MYO1B: variants seen among roughly 807,000 people sequenced by gnomAD.
MYO1B encodes unconventional myosin-Ib.
MYO1B carries 72 observed loss-of-function variants against 159.7 expected under a neutral mutation model. The ratio of observed to expected loss-of-function variants is 0.45; its 90% CI spans 0.37 to 0.55. The LOEUF is 0.55. Ranked by LOEUF, MYO1B falls within the 20% of genes least tolerant of loss-of-function variation. The pLI is 0.00. For synonymous variants in MYO1B, 468 were observed against 473.8 expected, an observed-to-expected ratio of 0.99 and a Z score of 0.16; for missense variants, 1,062 against 1,364.8, an observed-to-expected ratio of 0.78 and a Z score of 3.50.
chr2:191,276,217 T>C (rs1687741875), intron 1 of MYO1B, among the ~76,000 whole-genome samples: 1 of 152,218 alleles, frequency 6.6e-6, no homozygotes, highest in Non-Finnish European at 1.5e-5. Context: ...TGTTCTTTTC[T>C]TTATATGTCA....
intron 14 of MYO1B, among the ~76,000 whole-genome samples, chr2:191,382,572 T>C (rs769244562): frequency 6.6e-6 from 1 of 152,212 alleles, no homozygotes; most frequent in Non-Finnish European, 1.5e-5. Context: ...TTATACAGAT[T>C]GTTTAAAACA....
chr2:191,300,129 CCCTACTAAAACAG>C (rs1282782793), intron 3 of MYO1B, among the ~76,000 whole-genome samples: 2 of 152,068 alleles, frequency 1.3e-5, no homozygotes, highest in Non-Finnish European at 2.9e-5. Flanking sequence ...TAACTTGGTT[CCCTACTAAAACAG>C]CCTGGCATTC....
At chr2:191,279,510 T>C (rs1687930476) in intron 2 of MYO1B, among the ~76,000 whole-genome samples, 1 of 152,190 alleles carries the variant, frequency 6.6e-6, no homozygotes, top group Non-Finnish European at 1.5e-5. Flanking sequence ...AATCATATAT[T>C]GCTTTTGTAA....
rs1233709923 is a variant in MYO1B at position 191,300,639 on chromosome 2, C to CTTTTTTTTTTT, written c.251+4419_251+4429dup. On this transcript the variant is annotated intron_variant, in intron 3 of 30. Transcript: ENST00000392318. The stretch of plus-strand genomic sequence containing the variant: ...TTACAGGTGTGACACTGTGCGCAGC[C>CTTTTTTTTTTT]TTTTTTTTTTTTTTTTAAGAGATGA... Among the ~76,000 whole-genome samples the CTTTTTTTTTTT allele has an allele frequency of 4.9e-3, 326 of 66,916 alleles. 72 individuals carry two copies. The highest frequency in any genetic ancestry group is 0.019 in the African/African-American group (291 of 15,592). 43.9% of individuals were successfully genotyped at this position (66,916 alleles called of 152,430 possible). A position where few individuals can be genotyped will look rare whatever the true frequency, so the allele number is the denominator to read the frequency against.
At chr2:191,389,552 T>C (rs1364182199) in intron 17 of MYO1B, among the ~76,000 whole-genome samples, 1 of 152,152 alleles carries the variant, frequency 6.6e-6, no homozygotes, top group Non-Finnish European at 1.5e-5. Context: ...GGGGAGTGCC[T>C]GTCCCTTCTT....
chr2:191,389,301 G>A (rs1035169450), intron 17 of MYO1B, among the ~76,000 whole-genome samples: 3 of 152,220 alleles, frequency 2.0e-5, no homozygotes, highest in Non-Finnish European at 4.4e-5. Context: ...AATCATGAAT[G>A]TTTAAGTATT....
intron 4 of MYO1B, among the ~76,000 whole-genome samples, chr2:191,339,330 A>G (rs1228101758): frequency 6.6e-6 from 1 of 152,200 alleles, no homozygotes; most frequent in Non-Finnish European, 1.5e-5. Flanking sequence ...ATGAAATATA[A>G]TAGTATATAA....
chr2:191,359,275 C>T (rs1486606846), intron 7 of MYO1B, among the ~76,000 whole-genome samples: 1 of 147,226 alleles, frequency 6.8e-6, no homozygotes, highest in East Asian at 2.0e-4. Context: ...CCTTTTTTCC[C>T]TAAGTTATAT....
chr2:191,364,243 G>A lies in MYO1B; in HGVS notation c.999G>A (p.Gln333=). ...GTTTCCGAACAGTTGAGGCCAAACA[G>A]GAGAAAGTTTCAACTACACTGAATG... is the stretch of plus-strand genomic sequence containing the variant. The part of the protein sequence containing the change: ...AFSFRTVEAK[Q]EKVSTTLNVA... The change falls in exon 11 of 31, where the codon CAG becomes CAA. Residue 333 remains glutamine (Q), a synonymous_variant. Coordinates refer to ENST00000392318, the MANE Select transcript of MYO1B (RefSeq NM_001130158.3). 3 of 1,613,806 alleles carry A rather than the reference G, an allele frequency of 1.9e-6. No individual in the cohort carries two copies. The highest frequency in any genetic ancestry group is 2.5e-6 in the Non-Finnish European group (3 of 1,179,740).
intron 14 of MYO1B, among the ~76,000 whole-genome samples, chr2:191,382,796 T>TA (rs1412993177): frequency 3.3e-5 from 5 of 152,246 alleles, no homozygotes; most frequent in Admixed American, 2.0e-4. Flanking sequence ...CTGTTTTTTT[T>TA]AACACTTGAA....
chr2:191,402,588 C>CTG, intron 23 of MYO1B, 44 bp from the exon 24 acceptor site: 1 of 1,524,986 alleles, frequency 6.6e-7, no homozygotes, highest in Non-Finnish European at 9.1e-7. Flanking sequence ...TTTGTGCTGT[C>CTG]TGCATTGGGC....
chr2:191,250,498 G>A (rs1467255195), intron 1 of MYO1B, among the ~76,000 whole-genome samples: 4 of 152,208 alleles, frequency 2.6e-5, no homozygotes, highest in African/African-American at 7.2e-5. Context: ...TGTGTTCAAT[G>A]TGGCTGTCAA....
At chr2:191,411,777 A>G (rs1574641514) in intron 27 of MYO1B, among the ~76,000 whole-genome samples, 1 of 152,192 alleles carries the variant, frequency 6.6e-6, no homozygotes, top group Admixed American at 6.5e-5. Context: ...CAAGTTCAGC[A>G]AGTGAAGTCC....
At chr2:191,394,027 C>T (rs995578957) in intron 20 of MYO1B, among the ~76,000 whole-genome samples, 5 of 152,198 alleles carry the variant, frequency 3.3e-5, no homozygotes, top group Non-Finnish European at 7.3e-5. Flanking sequence ...ACATAATTTA[C>T]GCTGACCTAT....
In MYO1B at chr2:191,393,099, G is replaced by T; in HGVS notation, c.2103G>T (p.Lys701Asn). 6.2e-7 allele frequency: 1 copy of T among 1,613,728 alleles called. No individual in the cohort carries two copies. Among genetic ancestry groups the T allele is most frequent in the Non-Finnish European group, 8.5e-7 (1 of 1,179,808 alleles). ...TATTCAAATTAGAAGACCTGAGGAA[G>T]CAACGCCTGGAGGACTTGGCCACTC... ...RTLFKLEDLR[K>N]QRLEDLATLI... Residue 701 changes from lysine to asparagine, a missense_variant, in exon 20 of 31, where the codon AAG becomes AAT. Around this residue, in one of 5 missense-constraint regions of MYO1B, gnomAD observed 609 missense variants for 744.4 expected, o/e 0.82. Coordinates refer to ENST00000392318, the MANE Select transcript of MYO1B (RefSeq NM_001130158.3).
At chr2:191,413,181 G>A (rs1191754667) in intron 27 of MYO1B, among the ~76,000 whole-genome samples, 1 of 152,148 alleles carries the variant, frequency 6.6e-6, no homozygotes, top group Non-Finnish European at 1.5e-5. Flanking sequence ...TTATGAAGTT[G>A]TCATATGTCA....
chr2:191,259,071 G>A lies in MYO1B; in HGVS notation c.-10+13445G>A, dbSNP rs544124945. ...CACCTACTCTGTGATTTAGCTTCCA[G>A]CTTTACCGTTTGCTGTCTTGGCAGC... On this transcript the variant is annotated intron_variant, in intron 1 of 30. Coordinates refer to ENST00000392318, the MANE Select transcript of MYO1B (RefSeq NM_001130158.3). 3.3e-5 allele frequency among the ~76,000 whole-genome samples: 5 copies of A among 152,288 alleles called. No individual in the cohort carries two copies. In the South Asian group the frequency reaches 1.0e-3, roughly 32 times the overall value.
chr2:191,358,770 C>T (rs546401240), intron 7 of MYO1B, among the ~76,000 whole-genome samples: 9 of 152,326 alleles, frequency 5.9e-5, no homozygotes, highest in Non-Finnish European at 1.3e-4. Flanking sequence ...CGTCCTCACT[C>T]ACAAGGGCCT....
intron 3 of MYO1B, among the ~76,000 whole-genome samples, chr2:191,303,910 G>GTA (rs1689485627): frequency 6.6e-6 from 1 of 152,170 alleles, no homozygotes; most frequent in Non-Finnish European, 1.5e-5. Flanking sequence ...CATCTCGTGT[G>GTA]TAATGACACC....
Sources: allele counts gnomAD v4.1 joint callset (sites outside exome capture counted in the v4.1 genomes callset), GRCh38; gene constraint gnomAD v4.1.1; regional missense constraint gnomAD v4.1.1; transcripts MANE v1.5; gene names NCBI Gene and HGNC (gene_info 2026-07-23, HGNC 2026-07-21).